DPP10: variants seen among roughly 807,000 people sequenced by gnomAD.
DPP10 encodes inactive dipeptidyl peptidase 10.
In DPP10, 33 loss-of-function variants were observed where a neutral mutation model predicts 120.9. The ratio of observed to expected loss-of-function variants is 0.27; its 90% confidence interval spans 0.21 to 0.37. The LOEUF is 0.37. Among genes scored for constraint, DPP10 ranks in the 10% least tolerant of loss-of-function variants. The pLI, the probability that DPP10 is intolerant of heterozygous loss-of-function variation, is 1.00. For missense variants in DPP10, 816 were observed against 942.8 expected (o/e 0.87, Z 1.76); for synonymous variants, 337 against 326.1 (o/e 1.03, Z -0.36).
intron 8 of DPP10, among the ~76,000 whole-genome samples, chr2:115,729,186 C>A (rs12711833): frequency 0.47 from 72,042 of 151,982 alleles, 18,631 homozygotes; most frequent in African/African-American, 0.68. Context: ...CAAAGAGATA[C>A]ATTACTGGAG....
chr2:115,733,895 A>T (rs2092969855), intron 8 of DPP10, among the ~76,000 whole-genome samples: 1 of 152,234 alleles, frequency 6.6e-6, no homozygotes, highest in Non-Finnish European at 1.5e-5. Context: ...TTGGAATGAA[A>T]TGCCATTTGT....
At chr2:115,330,911 T>C (rs1299507671) in intron 2 of DPP10, among the ~76,000 whole-genome samples, 2 of 152,162 alleles carry the variant, frequency 1.3e-5, no homozygotes, top group African/African-American at 4.8e-5. Flanking sequence ...CAATGTGGGC[T>C]CTTTTTTGGT....
intron 1 of DPP10, among the ~76,000 whole-genome samples, chr2:115,170,582 C>T (rs530376529): frequency 6.6e-5 from 10 of 152,130 alleles, no homozygotes; most frequent in South Asian, 2.1e-4. Context: ...AGGGAAAAGA[C>T]GATACGTTTC....
intron 1 of DPP10, among the ~76,000 whole-genome samples, chr2:115,217,274 A>T (rs370555354): frequency 6.6e-6 from 1 of 152,194 alleles, no homozygotes; most frequent in East Asian, 1.9e-4. Flanking sequence ...AAAGGATTAA[A>T]TAATAGCTTT....
chr2:115,276,911 G>A (rs2059943885), intron 1 of DPP10, among the ~76,000 whole-genome samples: 1 of 152,090 alleles, frequency 6.6e-6, no homozygotes, highest in African/African-American at 2.4e-5. Flanking sequence ...ATGCCCCTTT[G>A]TGTCTAGGTT....
chr2:114,970,808 A>T (rs1699342236), intron 1 of DPP10, among the ~76,000 whole-genome samples: 1 of 152,142 alleles, frequency 6.6e-6, no homozygotes, highest in East Asian at 1.9e-4. Flanking sequence ...CCCAATGCTC[A>T]AGTGATTCAA....
At chr2:115,470,614 T>C (rs2074648355) in intron 3 of DPP10, among the ~76,000 whole-genome samples, 2 of 152,204 alleles carry the variant, frequency 1.3e-5, no homozygotes, top group Admixed American at 1.3e-4. Flanking sequence ...TGGGTTTTGA[T>C]AGCTTCTGTA....
chr2:115,671,328 A>AT (rs757936061), intron 5 of DPP10, among the ~76,000 whole-genome samples: 2 of 151,826 alleles, frequency 1.3e-5, no homozygotes, highest in Non-Finnish European at 2.9e-5. Context: ...TAAAAAATAT[A>AT]TTTTTTGGTT....
chr2:115,811,147 G>A (rs189065118), intron 19 of DPP10, among the ~76,000 whole-genome samples: 2 of 152,194 alleles, frequency 1.3e-5, no homozygotes, highest in African/African-American at 4.8e-5. Flanking sequence ...CCAATGATTA[G>A]CATCATAATC....
At chr2:115,596,917 A>G (rs539431444) in intron 5 of DPP10, among the ~76,000 whole-genome samples, 5 of 152,338 alleles carry the variant, frequency 3.3e-5, no homozygotes, top group African/African-American at 9.6e-5. Context: ...GCTAAATGCT[A>G]GAAAGTTGTA....
intron 3 of DPP10, among the ~76,000 whole-genome samples, chr2:115,367,027 G>T (rs2065120416): frequency 6.6e-6 from 1 of 151,934 alleles, no homozygotes; most frequent in Admixed American, 6.6e-5. Flanking sequence ...GATATTTTCT[G>T]CAATTTGACG....
At chr2:114,576,909 G>A (rs1690098783) in intron 1 of DPP10, among the ~76,000 whole-genome samples, 1 of 151,728 alleles carries the variant, frequency 6.6e-6, no homozygotes, top group Non-Finnish European at 1.5e-5. Context: ...TTTCATAGAA[G>A]GATGAGTAAA....
At chr2:115,173,591 A>G (rs1268445414) in intron 1 of DPP10, among the ~76,000 whole-genome samples, 1 of 152,178 alleles carries the variant, frequency 6.6e-6, no homozygotes, top group African/African-American at 2.4e-5. Flanking sequence ...TAAGGAGAAA[A>G]TATCTGTTCT....
rs573510486 is a variant in DPP10, at chr2:115,326,686, A to C, written c.176-17131A>C. On this transcript the variant is annotated intron_variant, in intron 2 of 25. Transcript: ENST00000410059. ...TACTGACCCTGTGTAGGCCTAGGCT[A>C]ATATGTGTGTGTTTATGTCTTTGTT... Among the ~76,000 whole-genome samples the C allele has an allele frequency of 8.0e-4, 121 of 152,088 alleles. 2 individuals carry two copies. The South Asian group carries it at 0.018, about 22-fold the overall frequency.
chr2:115,423,055 AAAAATAAAACAGG>A (rs1370710403), intron 3 of DPP10, among the ~76,000 whole-genome samples: 1 of 152,116 alleles, frequency 6.6e-6, no homozygotes, highest in African/African-American at 2.4e-5. Flanking sequence ...GCAACATTGA[AAAAATAAAACAGG>A]AAAATAATTT....
At chr2:114,748,510 G>A (rs1035762665) in intron 1 of DPP10, among the ~76,000 whole-genome samples, 2 of 134,978 alleles carry the variant, frequency 1.5e-5, no homozygotes, top group Middle Eastern at 3.9e-3. Flanking sequence ...CCACTAACTC[G>A]TCATCTAGCA....
intron 1 of DPP10, among the ~76,000 whole-genome samples, chr2:114,617,365 A>G (rs1007503205): frequency 6.6e-6 from 1 of 152,176 alleles, no homozygotes; most frequent in South Asian, 2.1e-4. Flanking sequence ...TAGAGTTTAT[A>G]GCTTATATGT....
intron 1 of DPP10, among the ~76,000 whole-genome samples, chr2:115,076,503 G>A (rs559751286): frequency 3.3e-5 from 5 of 152,096 alleles, no homozygotes; most frequent in Non-Finnish European, 4.4e-5. Flanking sequence ...TTCTATAAAT[G>A]TATTCTGTAC....
At chr2:114,765,597 A>G (rs17043519) in intron 1 of DPP10, among the ~76,000 whole-genome samples, 2,571 of 152,302 alleles carry the variant, frequency 0.017, 70 homozygotes, top group African/African-American at 0.058. Flanking sequence ...AGTAACATGC[A>G]TTGTATTTTA....
Sources: gnomAD v4.1 joint callset for allele counts (sites outside exome capture counted in the v4.1 genomes callset) on GRCh38, gnomAD v4.1.1 for gene constraint, MANE v1.5 for transcripts, NCBI Gene and HGNC (gene_info 2026-07-23, HGNC 2026-07-21) for gene names.